Variants in NR2F1-AS1 observed in about 807,000 individuals in gnomAD.
NR2F1-AS1 encodes NR2F1 antisense RNA 1.
intron 4 of NR2F1-AS1, among the ~76,000 whole-genome samples, chr5:93,488,112 A>C (rs987459504): frequency 3.3e-5 from 5 of 152,238 alleles, no homozygotes; most frequent in Admixed American, 6.5e-5. Flanking sequence ...TAAAGACTTA[A>C]ATGTAAGACC....
intron 4 of NR2F1-AS1, among the ~76,000 whole-genome samples, chr5:93,417,953 T>G (rs925440768): frequency 6.6e-5 from 10 of 152,136 alleles, no homozygotes; most frequent in African/African-American, 2.2e-4. Flanking sequence ...CTGGAGCACT[T>G]AAGAGTCCCA....
intron 2 of NR2F1-AS1, among the ~76,000 whole-genome samples, chr5:93,561,221 C>T (rs1408131261): frequency 1.3e-5 from 2 of 150,896 alleles, no homozygotes; most frequent in South Asian, 2.1e-4. Context: ...TGCGGTAAGC[C>T]GAGATCGCAC....
intron 4 of NR2F1-AS1, among the ~76,000 whole-genome samples, chr5:93,488,863 G>T (rs1194584304): frequency 6.6e-6 from 1 of 152,130 alleles, no homozygotes; most frequent in African/African-American, 2.4e-5. Flanking sequence ...GTCCATCAAT[G>T]ATAGACTGGA....
chr5:93,580,371 T>G (rs1346263069), intron 1 of NR2F1-AS1: 1 of 152,378 alleles, frequency 6.6e-6, no homozygotes, highest in Non-Finnish European at 1.5e-5. Flanking sequence ...GACTCTGCTC[T>G]CGGCCTGCGG....
At chr5:93,442,758 A>C (rs903631583) in intron 4 of NR2F1-AS1, among the ~76,000 whole-genome samples, 1 of 152,112 alleles carries the variant, frequency 6.6e-6, no homozygotes, top group Non-Finnish European at 1.5e-5. Context: ...TGGGTCCCTG[A>C]CCCCTGAGTA....
chr5:93,558,897 G>A (rs576706513), intron 2 of NR2F1-AS1, among the ~76,000 whole-genome samples: 123 of 152,254 alleles, frequency 8.1e-4, no homozygotes, highest in Middle Eastern at 3.4e-3. Flanking sequence ...TTGCTGTTCC[G>A]TTTAAAAAGC....
intron 4 of NR2F1-AS1, among the ~76,000 whole-genome samples, chr5:93,435,998 C>T (rs1749424044): frequency 6.6e-6 from 1 of 152,230 alleles, no homozygotes; most frequent in Non-Finnish European, 1.5e-5. Context: ...TTCCCCATAA[C>T]ACATCCACTT....
intron 1 of NR2F1-AS1, among the ~76,000 whole-genome samples, chr5:93,572,540 C>T (rs1425638530): frequency 6.6e-6 from 1 of 152,220 alleles, no homozygotes; most frequent in Non-Finnish European, 1.5e-5. Context: ...CACGCAACAA[C>T]GCGCTGTCAG....
chr5:93,413,467 AG>A (rs978853791), intron 4 of NR2F1-AS1, among the ~76,000 whole-genome samples: 4 of 152,070 alleles, frequency 2.6e-5, no homozygotes, highest in Non-Finnish European at 1.5e-5. Flanking sequence ...CATCTCTTTA[AG>A]GTTCTCACTC....
chr5:93,521,467 A>G (rs770508643), intron 4 of NR2F1-AS1, among the ~76,000 whole-genome samples: 6 of 152,244 alleles, frequency 3.9e-5, no homozygotes, highest in Non-Finnish European at 8.8e-5. Context: ...TATGTACCCA[A>G]CAGAGGTCTA....
intron 4 of NR2F1-AS1, among the ~76,000 whole-genome samples, chr5:93,481,998 GA>G: frequency 6.6e-6 from 1 of 150,552 alleles, no homozygotes; most frequent in Non-Finnish European, 1.5e-5. Flanking sequence ...TAAGAAACTA[GA>G]AAAATAAGTG....
chr5:93,448,755 C>T (rs1749769728), intron 4 of NR2F1-AS1, among the ~76,000 whole-genome samples: 1 of 152,180 alleles, frequency 6.6e-6, no homozygotes, highest in Admixed American at 6.5e-5. Flanking sequence ...CCCTCTTACT[C>T]AGCCTTTTTG....
chr5:93,475,646 A>G (rs972626278), intron 4 of NR2F1-AS1, among the ~76,000 whole-genome samples: 3 of 152,154 alleles, frequency 2.0e-5, no homozygotes, highest in African/African-American at 7.2e-5. Context: ...CCTGTCATTA[A>G]TTTTTGTCAT....
intron 4 of NR2F1-AS1, among the ~76,000 whole-genome samples, chr5:93,424,214 A>C (rs1749149573): frequency 6.6e-6 from 1 of 152,088 alleles, no homozygotes; most frequent in Non-Finnish European, 1.5e-5. Flanking sequence ...TGATGACTTC[A>C]AAAATAATAA....
chr5:93,547,808 T>A (rs1299214646), intron 4 of NR2F1-AS1, among the ~76,000 whole-genome samples: 1 of 152,146 alleles, frequency 6.6e-6, no homozygotes, highest in African/African-American at 2.4e-5. Flanking sequence ...AGTGTTAACA[T>A]ACAAAACTAG....
Position 93,519,459 on chromosome 5 carries a change from T to C in NR2F1-AS1, n.638+34302A>G, listed in dbSNP as rs565290938. On this transcript the variant is annotated intron_variant and non_coding_transcript_variant, in intron 4 of 5. Coordinates refer to ENST00000660523, the Ensembl canonical transcript of NR2F1-AS1. ...ACTAATATTCACATACGTGGGAATA[T>C]ATCTCAAATAATTGCCCACACTGCA... 2.6e-5 allele frequency among the ~76,000 whole-genome samples: 4 copies of C among 152,174 alleles called. No homozygotes were observed. The South Asian group carries it at 8.3e-4, about 31-fold the overall frequency.
chr5:93,530,726 C>T (rs1751719657), intron 4 of NR2F1-AS1, among the ~76,000 whole-genome samples: 1 of 152,100 alleles, frequency 6.6e-6, no homozygotes, highest in Non-Finnish European at 1.5e-5. Context: ...AATTTGATAG[C>T]AAGGCACAAA....
chr5:93,438,526 C>T (rs1749491949), intron 4 of NR2F1-AS1, among the ~76,000 whole-genome samples: 1 of 152,164 alleles, frequency 6.6e-6, no homozygotes, highest in African/African-American at 2.4e-5. Context: ...TACTTTAACC[C>T]TAGTTCAGGT....
intron 4 of NR2F1-AS1, among the ~76,000 whole-genome samples, chr5:93,435,982 A>G (rs555154847): frequency 6.6e-6 from 1 of 152,318 alleles, no homozygotes; most frequent in African/African-American, 2.4e-5. Flanking sequence ...TCTTTATTCA[A>G]TACTATTCCC....
Sources: allele counts gnomAD v4.1 joint callset (sites outside exome capture counted in the v4.1 genomes callset), GRCh38; gene constraint gnomAD v4.1.1; transcripts MANE v1.5; gene names NCBI Gene and HGNC (gene_info 2026-07-23, HGNC 2026-07-21).